Variants in CACNA1E observed in about 807,000 individuals in gnomAD.
CACNA1E encodes voltage-dependent R-type calcium channel subunit alpha-1E.
A neutral mutation model predicts 259.2 loss-of-function variants in CACNA1E; 40 were observed. The ratio of observed to expected loss-of-function variants is 0.15; its 90% CI spans 0.12 to 0.20. The LOEUF is 0.20. Ranked by LOEUF, CACNA1E falls within the 10% of genes least tolerant of loss-of-function variation. CACNA1E has a pLI of 1.00. For missense variants in CACNA1E, 1,874 were observed against 3,040.1 expected, an observed-to-expected ratio of 0.62 and a Z score of 9.02; for synonymous variants, 1,104 against 1,138.5, an observed-to-expected ratio of 0.97 and a Z score of 0.61.
In CACNA1E at chr1:181,776,069, C is replaced by G; in HGVS notation, c.5140-32C>G. The G allele has an allele frequency of 2.5e-6, 4 of 1,600,632 alleles. No homozygotes were observed. The highest frequency in any genetic ancestry group is 3.4e-6 in the Non-Finnish European group (4 of 1,172,430). On this transcript the variant is annotated intron_variant, in intron 37 of 47. Coordinates refer to ENST00000367573, the MANE Select transcript of CACNA1E (RefSeq NM_001205293.3). This position sits in a 1 kb window ranked among gnomAD's most constrained non-coding sequence, Gnocchi z 4.4. ...CTTCCTGAGCTCTGCTTTAGGTTTC[C>G]CCTAACCCCTCTTCTTCCCCTTGCC...
chr1:181,527,353 C>T (rs1225195536), intron 3 of CACNA1E, among the ~76,000 whole-genome samples: 1 of 152,168 alleles, frequency 6.6e-6, no homozygotes, highest in Admixed American at 6.5e-5. Flanking sequence ...TGACCTAATA[C>T]CTTCTAAAGG....
chr1:181,681,043 G>A (rs1423909450), intron 7 of CACNA1E, among the ~76,000 whole-genome samples: 5 of 152,220 alleles, frequency 3.3e-5, no homozygotes, highest in Admixed American at 6.5e-5. Flanking sequence ...GCTTTAGGGC[G>A]GTGTGTGACA....
chr1:181,779,675 A>G, intron 38 of CACNA1E: 1 of 272,502 alleles, frequency 3.7e-6, no homozygotes, highest in South Asian at 3.6e-5. Flanking sequence ...AAAGAGGTCC[A>G]AACCCTTCCA....
intron 1 of CACNA1E, among the ~76,000 whole-genome samples, chr1:181,319,397 G>A (rs1650174441): frequency 6.6e-6 from 1 of 152,188 alleles, no homozygotes; most frequent in African/African-American, 2.4e-5. Flanking sequence ...ATTTGGGCTA[G>A]ACACCAGGAA....
chr1:181,577,473 G>A (rs1399216173), intron 3 of CACNA1E, among the ~76,000 whole-genome samples: 1 of 152,248 alleles, frequency 6.6e-6, no homozygotes, highest in Non-Finnish European at 1.5e-5. Context: ...GGGGACAAGT[G>A]TTGGGGACAG....
chr1:181,530,821 G>C (rs1463628200), intron 3 of CACNA1E, among the ~76,000 whole-genome samples: 1 of 152,192 alleles, frequency 6.6e-6, no homozygotes. Context: ...AAATTTGATG[G>C]TGTTCCCAGG....
At chr1:181,514,153 G>A (rs1311390882) in intron 3 of CACNA1E, among the ~76,000 whole-genome samples, 31 of 152,174 alleles carry the variant, frequency 2.0e-4, no homozygotes, top group Admixed American at 2.0e-3. Flanking sequence ...GTCACATGAT[G>A]CTCTCATCTA....
chr1:181,494,077 C>T (rs1474599451), intron 1 of CACNA1E, among the ~76,000 whole-genome samples: 2 of 152,146 alleles, frequency 1.3e-5, no homozygotes, highest in Non-Finnish European at 2.9e-5. Context: ...TCAGAGGTCA[C>T]TTCCTCTGTG....
intron 8 of CACNA1E, 122 bp downstream of exon 8, chr1:181,711,191 G>T: frequency 1.5e-6 from 1 of 685,110 alleles, no homozygotes. Flanking sequence ...CACTCTGGAT[G>T]CTTGGTTGGC....
chr1:181,766,079 A>G (rs992776332), intron 34 of CACNA1E, among the ~76,000 whole-genome samples: 2 of 152,200 alleles, frequency 1.3e-5, no homozygotes, highest in African/African-American at 4.8e-5. Context: ...TGAGACCCCA[A>G]TCATTTCACT....
chr1:181,535,666 T>C (rs1668112137), intron 3 of CACNA1E, among the ~76,000 whole-genome samples: 1 of 151,922 alleles, frequency 6.6e-6, no homozygotes, highest in African/African-American at 2.4e-5. Context: ...CTGATAGTGC[T>C]TCCAATATCA....
chr1:181,671,318 G>A (rs560186195), intron 7 of CACNA1E, among the ~76,000 whole-genome samples: 355 of 152,264 alleles, frequency 2.3e-3, no homozygotes, highest in African/African-American at 8.1e-3. Flanking sequence ...GATCTACTGC[G>A]TCCAGCCACC....
intron 2 of CACNA1E, among the ~76,000 whole-genome samples, chr1:181,429,508 T>G (rs1372731316): frequency 2.0e-5 from 3 of 152,234 alleles, no homozygotes; most frequent in Non-Finnish European, 4.4e-5. Context: ...TCAAGAAGTT[T>G]CAGGCAGCAG....
Position 181,732,578 on chromosome 1 carries a change from G to C in CACNA1E, c.2492G>C (p.Arg831Thr), listed in dbSNP as rs773503365. Reference protein sequence around the residue: ...NAHPSLYRRPRAIEGLALGLA... With the variant: ...NAHPSLYRRPTAIEGLALGLA... ...CACCCCAGCCTTTATCGGCGACCCA[G>C]GGCCATTGAGGGCCTGGCCCTGGGC... The change falls in exon 20 of 48, where the codon AGG (arginine) becomes ACG (threonine). Residue 831 changes from arginine to threonine, a missense_variant. By Grantham distance (71) the Arg-to-Thr change is moderately conservative. Around this residue, in one of 14 missense-constraint regions of CACNA1E, gnomAD observed 476 missense variants for 514.0 expected, o/e 0.93. Coordinates refer to ENST00000367573, the MANE Select transcript of CACNA1E (RefSeq NM_001205293.3). The surrounding 1 kb of genome is among the most constrained non-coding windows in gnomAD (Gnocchi z 5.5). 5.6e-4 allele frequency: 852 copies of C among 1,520,718 alleles called. 1 individual carries two copies. The highest frequency in any genetic ancestry group is 6.4e-4 in the Non-Finnish European group (730 of 1,133,592). The allele number at this position is 1,520,718 out of a possible 1,614,324, so 94.2% of individuals were successfully genotyped here.
intron 2 of CACNA1E, among the ~76,000 whole-genome samples, chr1:181,473,681 A>C (rs747401950): frequency 6.6e-6 from 1 of 152,180 alleles, no homozygotes; most frequent in Non-Finnish European, 1.5e-5. Context: ...CCATCTGTAG[A>C]GTCTGGATAT....
At chr1:181,473,542 C>T (rs554669170) in intron 2 of CACNA1E, among the ~76,000 whole-genome samples, 1 of 151,312 alleles carries the variant, frequency 6.6e-6, no homozygotes, top group Non-Finnish European at 1.5e-5. Context: ...TAGCCCCATG[C>T]GATTCAGAGG....
chr1:181,522,649 C>T (rs185700042), intron 3 of CACNA1E, among the ~76,000 whole-genome samples: 11 of 152,272 alleles, frequency 7.2e-5, no homozygotes, highest in African/African-American at 2.6e-4. Flanking sequence ...GGGGCCCTTA[C>T]ATCCTTCCAG....
chr1:181,780,039 C>A (rs1660292354), intron 38 of CACNA1E, among the ~76,000 whole-genome samples: 1 of 152,180 alleles, frequency 6.6e-6, no homozygotes, highest in South Asian at 2.1e-4. Context: ...CCCACCCTCC[C>A]AGCTCCTGGA....
At chr1:181,742,396 A>C (rs1411836486) in intron 25 of CACNA1E, among the ~76,000 whole-genome samples, 1 of 152,188 alleles carries the variant, frequency 6.6e-6, no homozygotes, top group Non-Finnish European at 1.5e-5. Flanking sequence ...TTGTGTTTAC[A>C]ACTTTCGTTA....
Sources: gnomAD v4.1 joint callset for allele counts (sites outside exome capture counted in the v4.1 genomes callset) on GRCh38, gnomAD v4.1.1 for gene constraint, gnomAD v4.1.1 regional missense constraint, Gnocchi (gnomAD v3.1) non-coding constraint, MANE v1.5 for transcripts, NCBI Gene and HGNC (gene_info 2026-07-23, HGNC 2026-07-21) for gene names.